The following SUMF1 variants were observed in gnomAD, a reference collection of about 807,000 sequenced individuals.
The protein encoded by SUMF1 is sulfatase modifying factor 1.
In SUMF1, 48 loss-of-function variants were observed where a neutral mutation model predicts 47.6. The observed-to-expected ratio is 1.01, with a 90% CI of 0.80 to 1.28. The LOEUF is 1.28. Among genes scored for constraint, SUMF1 ranks in the 50% most tolerant of loss-of-function variants. The pLI, the probability that SUMF1 is intolerant of heterozygous loss-of-function variation, is 0.00. For missense variants in SUMF1, 571 were observed against 485.4 expected, an observed-to-expected ratio of 1.18 and a Z score of -1.66; for synonymous variants, 230 against 192.1, an observed-to-expected ratio of 1.20 and a Z score of -1.63.
At chr3:4,166,259 T>C (rs1011778723) in intron 8 of SUMF1, among the ~76,000 whole-genome samples, 1 of 152,076 alleles carries the variant, frequency 6.6e-6, no homozygotes, top group African/African-American at 2.4e-5. Flanking sequence ...ATGATATGCC[T>C]CAAAATGGAG....
chr3:4,416,050 A>C (rs950798601), intron 6 of SUMF1, among the ~76,000 whole-genome samples: 10 of 152,200 alleles, frequency 6.6e-5, no homozygotes, highest in Non-Finnish European at 1.3e-4. Flanking sequence ...AGTAGCACAA[A>C]GGGACTAAGA....
chr3:4,371,693 G>T (rs1382175358), intron 8 of SUMF1, among the ~76,000 whole-genome samples: 1 of 152,150 alleles, frequency 6.6e-6, no homozygotes, highest in Non-Finnish European at 1.5e-5. Flanking sequence ...AGTATTTCTT[G>T]AGTACTTACT....
chr3:4,216,306 A>G (rs1027646194), intron 8 of SUMF1, among the ~76,000 whole-genome samples: 10 of 152,238 alleles, frequency 6.6e-5, no homozygotes, highest in Admixed American at 6.5e-5. Flanking sequence ...TTCCCTATTT[A>G]ATGAATGGTG....
At chr3:4,416,763 C>T (rs1701726753) in intron 6 of SUMF1, among the ~76,000 whole-genome samples, 1 of 152,204 alleles carries the variant, frequency 6.6e-6, no homozygotes. Flanking sequence ...ACATTGCAAG[C>T]ACTCAATAAC....
chr3:4,174,096 C>T (rs1038765191), intron 8 of SUMF1, among the ~76,000 whole-genome samples: 2 of 152,022 alleles, frequency 1.3e-5, no homozygotes, highest in South Asian at 2.1e-4. Context: ...GTGGCTCACG[C>T]CTGTAATCCC....
intron 8 of SUMF1, among the ~76,000 whole-genome samples, chr3:4,259,914 G>C (rs564267197): frequency 6.6e-6 from 1 of 151,788 alleles, no homozygotes; most frequent in East Asian, 1.9e-4. Flanking sequence ...AGATAATATT[G>C]ACTTCCTCAA....
intron 8 of SUMF1, among the ~76,000 whole-genome samples, chr3:4,372,163 T>C (rs1415012107): frequency 1.3e-5 from 2 of 152,034 alleles, no homozygotes; most frequent in Non-Finnish European, 2.9e-5. Context: ...TAGCTGGGCG[T>C]GGTGGCACAA....
chr3:4,290,900 A>C (rs2125054676), intron 8 of SUMF1, among the ~76,000 whole-genome samples: 1 of 152,214 alleles, frequency 6.6e-6, no homozygotes, highest in South Asian at 2.1e-4. Context: ...TGGTAGGTGC[A>C]TTTACAAAAT....
chr3:4,151,237 A>G (rs1694312030), intron 8 of SUMF1, among the ~76,000 whole-genome samples: 1 of 136,714 alleles, frequency 7.3e-6, no homozygotes, highest in Non-Finnish European at 1.6e-5. Flanking sequence ...AAATATATAT[A>G]TCAACATATA....
At chr3:4,368,164 A>C in intron 8 of SUMF1, among the ~76,000 whole-genome samples, 1 of 152,242 alleles carries the variant, frequency 6.6e-6, no homozygotes, top group Non-Finnish European at 1.5e-5. Flanking sequence ...ACCCCATGAA[A>C]AAGTGGGCGA....
chr3:4,314,765 G>A (rs1698569261), intron 8 of SUMF1, among the ~76,000 whole-genome samples: 1 of 152,146 alleles, frequency 6.6e-6, no homozygotes, highest in South Asian at 2.1e-4. Context: ...AAGCAGGGAT[G>A]TTGCAAAAAT....
At chr3:4,169,029 C>G (rs1024142739) in intron 8 of SUMF1, among the ~76,000 whole-genome samples, 7 of 152,122 alleles carry the variant, frequency 4.6e-5, no homozygotes, top group Admixed American at 3.3e-4. Flanking sequence ...ATATTTTTCT[C>G]TCTCGGGAAA....
intron 8 of SUMF1, among the ~76,000 whole-genome samples, chr3:4,176,514 G>A (rs190801564): frequency 1.3e-4 from 20 of 152,268 alleles, no homozygotes; most frequent in Admixed American, 1.1e-3. Context: ...CACCAGGCCT[G>A]CCTTACAATA....
chr3:4,300,636 T>C (rs1345668734), intron 8 of SUMF1, among the ~76,000 whole-genome samples: 5 of 152,178 alleles, frequency 3.3e-5, no homozygotes, highest in African/African-American at 9.7e-5. Flanking sequence ...TTCTCCCTTC[T>C]GGGATAACTA....
chr3:4,443,091 CA>C (rs141841231), intron 3 of SUMF1, among the ~76,000 whole-genome samples: 9,253 of 151,760 alleles, frequency 0.061, 402 homozygotes, highest in East Asian at 0.25. Flanking sequence ...GTCTGAGCAA[CA>C]TGACAAAACC....
At chr3:4,249,950 G>A (rs532774295) in intron 8 of SUMF1, among the ~76,000 whole-genome samples, 7 of 152,248 alleles carry the variant, frequency 4.6e-5, no homozygotes, top group East Asian at 1.9e-4. Flanking sequence ...GGGGGAGGCC[G>A]AGGCAGGTAG....
chr3:4,187,266 G>A (rs1027160010), intron 8 of SUMF1, among the ~76,000 whole-genome samples: 2 of 152,190 alleles, frequency 1.3e-5, no homozygotes, highest in African/African-American at 4.8e-5. Flanking sequence ...CTACTCAGGA[G>A]GCAAAGGTGG....
chr3:4,143,450 T>C (rs1323722557), intron 8 of SUMF1, among the ~76,000 whole-genome samples: 1 of 152,110 alleles, frequency 6.6e-6, no homozygotes, highest in African/African-American at 2.4e-5. Flanking sequence ...TAGTAGGATT[T>C]CAAGCAAGAA....
At position 4,362,218 on chromosome 3, in the gene SUMF1, G is replaced by A. The variant is rs751129230; in HGVS notation, c.1051C>T (p.Gln351Ter). 1.2e-6 allele frequency: 2 copies of A among 1,614,184 alleles called. No homozygotes were observed. Among genetic ancestry groups the A allele is most frequent in the South Asian group, 1.1e-5 (1 of 91,080 alleles). ...GAAGCAGAGCTATCAGGTGTGTTCT[G>A]GCTCCGAGCAGCACAGCGATACCTG... ...CYRYRCAARS[Q>*]NTPDSSASNL... Residue 351 changes from glutamine to a stop codon, truncating the protein, a stop_gained, in exon 9 of 9, where the codon CAG becomes TAG. Coordinates refer to ENST00000272902, the MANE Select transcript of SUMF1 (RefSeq NM_182760.4). LOFTEE classifies it high-confidence loss of function.
Sources: gnomAD v4.1 joint callset for allele counts (sites outside exome capture counted in the v4.1 genomes callset) on GRCh38, gnomAD v4.1.1 for gene constraint, MANE v1.5 for transcripts, NCBI Gene and HGNC (gene_info 2026-07-23, HGNC 2026-07-21) for gene names.